The following TAFA1 variants were observed in gnomAD, a reference collection of about 807,000 sequenced individuals.
TAFA1 encodes the protein chemokine-like protein TAFA-1.
Under a neutral mutation model 18.5 loss-of-function variants are expected in TAFA1, and 4 were observed. The observed-to-expected ratio is 0.22, with a 90% CI of 0.11 to 0.49. The LOEUF (loss-of-function observed/expected upper bound fraction) is 0.49. Among genes scored for constraint, TAFA1 ranks in the 20% least tolerant of loss-of-function variants. The pLI, the probability that TAFA1 is intolerant of heterozygous loss-of-function variation, is 0.98. For missense variants in TAFA1, 147 were observed against 169.0 expected (o/e 0.87, Z 0.72); for synonymous variants, 56 against 55.2 (o/e 1.01, Z -0.06).
At chr3:68,313,905 A>G (rs1397054968) in intron 2 of TAFA1, among the ~76,000 whole-genome samples, 2 of 152,216 alleles carry the variant, frequency 1.3e-5, no homozygotes, top group Admixed American at 6.5e-5. Flanking sequence ...AGAAGTGGGT[A>G]TGAATATTAG....
chr3:68,141,049 C>T (rs2065662002), intron 2 of TAFA1, among the ~76,000 whole-genome samples: 1 of 152,102 alleles, frequency 6.6e-6, no homozygotes, highest in Admixed American at 6.5e-5. Context: ...TTTCTGCTTG[C>T]CTATGAGGTT....
chr3:68,143,729 AGT>A (rs2065699455), intron 2 of TAFA1, among the ~76,000 whole-genome samples: 1 of 152,208 alleles, frequency 6.6e-6, no homozygotes, highest in African/African-American at 2.4e-5. Flanking sequence ...GAGTAACAGT[AGT>A]TGTTTTACAG....
intron 2 of TAFA1, among the ~76,000 whole-genome samples, chr3:68,397,388 A>C (rs2070402945): frequency 6.6e-6 from 1 of 152,006 alleles, no homozygotes; most frequent in South Asian, 2.1e-4. Flanking sequence ...TTCAACTTCC[A>C]TTTATGAGTG....
At chr3:68,233,686 T>C (rs1003873795) in intron 2 of TAFA1, among the ~76,000 whole-genome samples, 1 of 152,212 alleles carries the variant, frequency 6.6e-6, no homozygotes, top group African/African-American at 2.4e-5. Flanking sequence ...AAGAATTGCA[T>C]TGAATCTGTA....
At chr3:68,232,761 A>ACACCTGG (rs1263576862) in intron 2 of TAFA1, among the ~76,000 whole-genome samples, 1 of 151,992 alleles carries the variant, frequency 6.6e-6, no homozygotes, top group African/African-American at 2.4e-5. Flanking sequence ...ACGCACTACC[A>ACACCTGG]CACCTGGCTA....
intron 2 of TAFA1, among the ~76,000 whole-genome samples, chr3:68,300,633 T>A (rs959776761): frequency 6.6e-6 from 1 of 152,066 alleles, no homozygotes; most frequent in Non-Finnish European, 1.5e-5. Flanking sequence ...CAGGGCAGAA[T>A]TCTATGGTTT....
chr3:68,271,017 G>A (rs939067315), intron 2 of TAFA1, among the ~76,000 whole-genome samples: 3 of 152,056 alleles, frequency 2.0e-5, no homozygotes, highest in Non-Finnish European at 4.4e-5. Flanking sequence ...TGCTTAAGCC[G>A]AGAAAAATAG....
chr3:68,362,397 CT>C (rs1348755890), intron 2 of TAFA1, among the ~76,000 whole-genome samples: 5 of 152,126 alleles, frequency 3.3e-5, no homozygotes, highest in Non-Finnish European at 7.4e-5. Context: ...TGATAACATT[CT>C]CACGGACTGA....
chr3:68,385,100 G>C (rs1389678848), intron 2 of TAFA1, among the ~76,000 whole-genome samples: 1 of 151,962 alleles, frequency 6.6e-6, no homozygotes, highest in Non-Finnish European at 1.5e-5. Flanking sequence ...TGGGTAAGAT[G>C]GTTGCCCTTT....
At chr3:68,385,531 T>A (rs535838081) in intron 2 of TAFA1, among the ~76,000 whole-genome samples, 20 of 152,116 alleles carry the variant, frequency 1.3e-4, no homozygotes, top group Non-Finnish European at 2.6e-4. Context: ...TTTAAAAGGA[T>A]ACACTATTCG....
chr3:68,498,554 T>C (rs533299472), intron 3 of TAFA1, among the ~76,000 whole-genome samples: 10 of 152,190 alleles, frequency 6.6e-5, no homozygotes, highest in African/African-American at 2.2e-4. Context: ...AAAAAGACCA[T>C]GTCTGACCTT....
At chr3:68,186,007 C>A (rs1021657332) in intron 2 of TAFA1, among the ~76,000 whole-genome samples, 2 of 152,072 alleles carry the variant, frequency 1.3e-5, no homozygotes, top group African/African-American at 4.8e-5. Flanking sequence ...ATGAAGCCTG[C>A]TCCTTGTCAA....
chr3:68,358,155 G>A (rs997963542), intron 2 of TAFA1, among the ~76,000 whole-genome samples: 3 of 151,870 alleles, frequency 2.0e-5, no homozygotes, highest in Non-Finnish European at 2.9e-5. Flanking sequence ...AAACAACTAA[G>A]TGTATGTATT....
chr3:68,539,874 T>C (rs1040257128), intron 4 of TAFA1, among the ~76,000 whole-genome samples: 45 of 152,014 alleles, frequency 3.0e-4, no homozygotes, highest in African/African-American at 1.1e-3. Flanking sequence ...ATCTTCCTGC[T>C]TCAGTCTCCC....
chr3:68,462,700 T>C (rs2071806995), intron 3 of TAFA1, among the ~76,000 whole-genome samples: 1 of 152,200 alleles, frequency 6.6e-6, no homozygotes, highest in African/African-American at 2.4e-5. Context: ...TTCCTTGTCA[T>C]AGAGTAAACT....
intron 2 of TAFA1, among the ~76,000 whole-genome samples, chr3:68,392,012 C>T (rs111908440): frequency 0.03 from 4,564 of 152,138 alleles, 94 homozygotes; most frequent in East Asian, 0.091. Flanking sequence ...CATAACAATA[C>T]TAACCTTAAA....
intron 2 of TAFA1, among the ~76,000 whole-genome samples, chr3:68,109,432 GA>G (rs374558026): frequency 6.6e-5 from 10 of 151,666 alleles, no homozygotes; most frequent in African/African-American, 1.2e-4. Context: ...CTTTAAATTG[GA>G]AAAAAAATAT....
At chr3:68,209,199 G>A (rs955499559) in intron 2 of TAFA1, among the ~76,000 whole-genome samples, 1 of 151,986 alleles carries the variant, frequency 6.6e-6, no homozygotes, top group Non-Finnish European at 1.5e-5. Flanking sequence ...CCAGCTGACA[G>A]ATTAATTTCA....
At chr3:68,055,693 G>A (rs754125212) in intron 2 of TAFA1, among the ~76,000 whole-genome samples, 1 of 151,984 alleles carries the variant, frequency 6.6e-6, no homozygotes, top group African/African-American at 2.4e-5. Context: ...AACTTCTGAA[G>A]TCTCAGAGGG....
Sources: gnomAD v4.1 joint callset for allele counts (sites outside exome capture counted in the v4.1 genomes callset) on GRCh38, gnomAD v4.1.1 for gene constraint, MANE v1.5 for transcripts, NCBI Gene and HGNC (gene_info 2026-07-23, HGNC 2026-07-21) for gene names.